CTNNA3: variants seen among roughly 807,000 people sequenced by gnomAD.
The protein encoded by CTNNA3 is catenin alpha-3.
CTNNA3 carries 76 observed loss-of-function variants against 95.7 expected under a neutral mutation model. The observed-to-expected ratio is 0.79, with a 90% CI of 0.66 to 0.96. The LOEUF is 0.96. Ranked by LOEUF, CTNNA3 falls within the 40% of genes least tolerant of loss-of-function variation. CTNNA3 has a pLI of 0.00. For synonymous variants in CTNNA3, 431 were observed against 374.4 expected (o/e 1.15, Z -1.74); for missense variants, 1,191 against 1,089.8 (o/e 1.09, Z -1.31).
At chr10:67,388,905 A>T (rs1844320604) in intron 5 of CTNNA3, among the ~76,000 whole-genome samples, 1 of 152,208 alleles carries the variant, frequency 6.6e-6, no homozygotes, top group Non-Finnish European at 1.5e-5. Context: ...GAGCTCCTGA[A>T]GGAAGCGCTA....
At chr10:66,270,225 G>GT (rs1564829212) in intron 13 of CTNNA3, among the ~76,000 whole-genome samples, 1 of 105,988 alleles carries the variant, frequency 9.4e-6, no homozygotes, top group East Asian at 2.6e-4. Context: ...AACATTTTTT[G>GT]GGGGGGGGGG....
At chr10:67,002,796 A>G (rs1326462153) in intron 7 of CTNNA3, among the ~76,000 whole-genome samples, 4 of 152,158 alleles carry the variant, frequency 2.6e-5, no homozygotes, top group Non-Finnish European at 5.9e-5. Flanking sequence ...AAATAAACAC[A>G]ATTAGGTTTT....
chr10:67,147,925 G>C (rs1469095403), intron 7 of CTNNA3, among the ~76,000 whole-genome samples: 2 of 152,084 alleles, frequency 1.3e-5, no homozygotes, highest in African/African-American at 4.8e-5. Context: ...ATATATACAA[G>C]AATTACTCTT....
At chr10:66,849,058 G>A (rs972010689) in intron 7 of CTNNA3, among the ~76,000 whole-genome samples, 5 of 152,156 alleles carry the variant, frequency 3.3e-5, no homozygotes, top group African/African-American at 1.2e-4. Flanking sequence ...CATCTTTAAG[G>A]TCCTGCCATC....
intron 5 of CTNNA3, among the ~76,000 whole-genome samples, chr10:67,312,322 T>G (rs1227378860): frequency 6.6e-6 from 1 of 152,124 alleles, no homozygotes; most frequent in East Asian, 1.9e-4. Context: ...CTGCCTGCCT[T>G]GGCCTCCCAA....
At chr10:66,258,653 C>T (rs2132092490) in intron 13 of CTNNA3, among the ~76,000 whole-genome samples, 2 of 152,104 alleles carry the variant, frequency 1.3e-5, no homozygotes, top group South Asian at 2.1e-4. Flanking sequence ...GATCTATGGC[C>T]CTCTAAGCAC....
In CTNNA3 at chr10:65,917,539, T is replaced by C. The variant is rs1329123134; in HGVS notation, c.*2791A>G. 1 of 151,986 alleles carries C rather than the reference T, an allele frequency of 6.6e-6. No individual in the cohort carries two copies. Among genetic ancestry groups the C allele is most frequent in the Non-Finnish European group, 1.5e-5 (1 of 67,988 alleles). The allele number at this position is 151,986 out of a possible 1,614,324, so 9.4% of individuals were successfully genotyped here. On this transcript the variant is annotated 3_prime_UTR_variant, in exon 18 of 18. Transcript: ENST00000433211. ...GGTGGGTAACCAGGGATGGAACTGC[T>C]CCTGTGGGTGGTAAACACCCCTCTC...
At chr10:66,675,553 T>C (rs1846823122) in intron 9 of CTNNA3, among the ~76,000 whole-genome samples, 1 of 152,124 alleles carries the variant, frequency 6.6e-6, no homozygotes, top group East Asian at 1.9e-4. Flanking sequence ...AGTAAATAGC[T>C]GTCAACATGA....
intron 7 of CTNNA3, among the ~76,000 whole-genome samples, chr10:66,878,116 C>T (rs1844695478): frequency 6.6e-6 from 1 of 152,112 alleles, no homozygotes; most frequent in Admixed American, 6.6e-5. Flanking sequence ...AAAGTATCAC[C>T]ACTCACCACT....
intron 7 of CTNNA3, among the ~76,000 whole-genome samples, chr10:66,848,388 C>T (rs1054596870): frequency 3.3e-5 from 5 of 152,086 alleles, no homozygotes; most frequent in African/African-American, 4.8e-5. Context: ...AGACAGAGGG[C>T]GCTGGATCCT....
At chr10:66,202,457 T>C (rs2087489795) in intron 13 of CTNNA3, among the ~76,000 whole-genome samples, 1 of 152,228 alleles carries the variant, frequency 6.6e-6, no homozygotes, top group African/African-American at 2.4e-5. Flanking sequence ...ACTTTTCCTT[T>C]TTCTGTCCAT....
At chr10:67,556,897 T>C (rs1214366873) in intron 3 of CTNNA3, among the ~76,000 whole-genome samples, 3 of 152,232 alleles carry the variant, frequency 2.0e-5, no homozygotes. Flanking sequence ...CATTTAGTGC[T>C]ATAAATTTCC....
At position 65,961,139 on chromosome 10, in the gene CTNNA3, A is replaced by G. The variant is rs182993459; in HGVS notation, c.2400+5473T>C. Among the ~76,000 whole-genome samples, 789 of 152,206 alleles carry G rather than the reference A, an allele frequency of 5.2e-3. 5 individuals are homozygous for G. The highest frequency in any genetic ancestry group is 0.015 in the African/African-American group (605 of 41,526). ...CAATTACTGCCACTTTAGGCAGTAT[A>G]TAAATAAAAATGTTAACAAACAAAA... is the stretch of plus-strand genomic sequence containing the variant. On this transcript the variant is annotated intron_variant, in intron 17 of 17. Transcript: ENST00000433211.
At chr10:66,926,600 A>C in intron 7 of CTNNA3, 1 of 1,613,790 alleles carries the variant, frequency 6.2e-7, no homozygotes. Flanking sequence ...ATGTTTTGTC[A>C]TTTTTCTTCT....
intron 5 of CTNNA3, among the ~76,000 whole-genome samples, chr10:67,262,492 C>T (rs1372562805): frequency 1.3e-5 from 2 of 152,114 alleles, no homozygotes; most frequent in South Asian, 2.1e-4. Context: ...TCAGAAATAG[C>T]ACCCCAGGAT....
intron 5 of CTNNA3, among the ~76,000 whole-genome samples, chr10:67,472,018 A>G (rs1036534133): frequency 1.3e-5 from 2 of 152,224 alleles, no homozygotes; most frequent in African/African-American, 4.8e-5. Context: ...ACCAAAAATT[A>G]TAACCTCACA....
At chr10:66,668,541 G>A (rs537481306) in intron 9 of CTNNA3, among the ~76,000 whole-genome samples, 110 of 151,824 alleles carry the variant, frequency 7.2e-4, no homozygotes, top group African/African-American at 2.5e-3. Context: ...GGCCGGGTGC[G>A]GTGGTTCATG....
Position 67,593,597 on chromosome 10 carries a change from A to G in CTNNA3, c.292+13260T>C, listed in dbSNP as rs139322573. Among the ~76,000 whole-genome samples, 20 of 152,140 alleles carry G rather than the reference A, an allele frequency of 1.3e-4. 1 individual carries two copies. Among genetic ancestry groups the G allele is most frequent in the African/African-American group, 4.6e-4 (19 of 41,524 alleles). On this transcript the variant is annotated intron_variant, in intron 3 of 17. Transcript: ENST00000433211. The stretch of plus-strand genomic sequence containing the variant: ...GTATAGAAATGCTGGTGATTTTTGT[A>G]TGTTGATTTTGTATCCTGAAAGTTT...
At chr10:67,442,748 G>T (rs1846570227) in intron 5 of CTNNA3, among the ~76,000 whole-genome samples, 2 of 151,882 alleles carry the variant, frequency 1.3e-5, no homozygotes, top group South Asian at 4.2e-4. Flanking sequence ...GAGACAGGTA[G>T]ACCTCAATAT....
Sources: allele counts gnomAD v4.1 joint callset (sites outside exome capture counted in the v4.1 genomes callset), GRCh38; gene constraint gnomAD v4.1.1; transcripts MANE v1.5; gene names NCBI Gene and HGNC (gene_info 2026-07-23, HGNC 2026-07-21).